The following VPS8 variants were observed in gnomAD, a reference collection of about 807,000 sequenced individuals.
The protein encoded by VPS8 is VPS8 subunit of CORVET complex, also known as vacuolar protein sorting-associated protein 8 homolog.
Under a neutral mutation model 216.4 loss-of-function variants are expected in VPS8, and 129 were observed. The ratio of observed to expected loss-of-function variants is 0.60; its 90% CI spans 0.52 to 0.69. The LOEUF (loss-of-function observed/expected upper bound fraction) is 0.69, where lower values mean the gene tolerates loss of function less well. Ranked by LOEUF, VPS8 falls within the 30% of genes least tolerant of loss-of-function variation. The pLI is 0.00. For missense variants in VPS8, 1,531 were observed against 1,683.5 expected (o/e 0.91, Z 1.59); for synonymous variants, 571 against 565.4 (o/e 1.01, Z -0.14).
Position 184,975,180 on chromosome 3 carries a change from G to A in VPS8, c.3420+3428G>A, listed in dbSNP as rs984613201. Among the ~76,000 whole-genome samples the A allele has an allele frequency of 3.9e-5, 6 of 152,130 alleles. No homozygotes were observed. In the East Asian group the frequency reaches 1.2e-3, roughly 29 times the overall value. On this transcript the variant is annotated intron_variant, in intron 40 of 47. Transcript: ENST00000625842. ...TCATTTTAATATTCTTCTGATCCAT[G>A]AGCATGGGATGTCTTTTTATTTGTG...
In VPS8 at chr3:184,841,077, A is replaced by G. The variant is rs535828535; in HGVS notation, c.535+1325A>G. Among the ~76,000 whole-genome samples the G allele has an allele frequency of 1.4e-4, 22 of 152,308 alleles. No individual in the cohort carries two copies. The South Asian group carries it at 3.7e-3, about 26-fold the overall frequency. ...GGTAATTGATTTAAATAAGAGTTTT[A>G]TTGTTTGGGGACCAGAAGAGTAGAA... On this transcript the variant is annotated intron_variant, in intron 7 of 47. Coordinates refer to ENST00000625842, the MANE Select transcript of VPS8 (RefSeq NM_001009921.3).
chr3:184,820,587 C>CTTAG (rs1400772844), intron 1 of VPS8, among the ~76,000 whole-genome samples: 1 of 152,112 alleles, frequency 6.6e-6, no homozygotes, highest in Non-Finnish European at 1.5e-5. Flanking sequence ...AGATTCCCAG[C>CTTAG]TTAGGTACTT....
At chr3:184,967,505 T>G (rs1747617226) in intron 39 of VPS8, among the ~76,000 whole-genome samples, 2 of 152,116 alleles carry the variant, frequency 1.3e-5, no homozygotes, top group South Asian at 4.1e-4. Context: ...ATACAAAATT[T>G]TCATCATATT....
At chr3:184,895,039 G>A in intron 23 of VPS8, 114 bp downstream of exon 23, 1 of 852,352 alleles carries the variant, frequency 1.2e-6, no homozygotes, top group Non-Finnish European at 1.8e-6. Flanking sequence ...ATTATTTATT[G>A]AGCACTTTTT....
Position 184,999,676 on chromosome 3 carries a change from T to G in VPS8, c.3837-20T>G. On this transcript the variant is annotated intron_variant, in intron 44 of 47. Coordinates refer to ENST00000625842, the MANE Select transcript of VPS8 (RefSeq NM_001009921.3). ...TTTTGTGATAATAAAAAGTACAAAT[T>G]GGTTGCCTTCGTTTTGCAGCTGTGG... 1 of 1,592,006 alleles carries G rather than the reference T, an allele frequency of 6.3e-7. No individual in the cohort carries two copies. The highest frequency in any genetic ancestry group is 8.5e-7 in the Non-Finnish European group (1 of 1,172,250).
intron 22 of VPS8, chr3:184,893,384 AT>A: frequency 8.6e-7 from 1 of 1,157,602 alleles, no homozygotes; most frequent in Non-Finnish European, 1.1e-6. Context: ...GAAATTACAC[AT>A]TTAGGAAAAA....
At chr3:184,844,449 TAAGAA>T (rs1004757097) in intron 8 of VPS8, among the ~76,000 whole-genome samples, 8 of 151,866 alleles carry the variant, frequency 5.3e-5, no homozygotes, top group East Asian at 1.9e-4. Context: ...AAATAAAAAA[TAAGAA>T]AAGAATAGTA....
rs78538222 is a variant in VPS8, at chr3:185,009,337, A to C, written c.4002+9476A>C. 8.4e-4 allele frequency among the ~76,000 whole-genome samples: 18 copies of C among 21,332 alleles called. No homozygotes were observed. The South Asian group carries it at 0.033, about 40-fold the overall frequency. The allele number at this position is 21,332 out of a possible 152,430, so 14.0% of individuals were successfully genotyped here. Reference sequence around the variant, plus strand: ...GAAATGCAAGCTAAATCAACTATACAATACCATTTTTTTTACTTATTAAGC... The same window carrying C: ...GAAATGCAAGCTAAATCAACTATACCATACCATTTTTTTTACTTATTAAGC... On this transcript the variant is annotated intron_variant, in intron 45 of 47. Coordinates refer to ENST00000625842, the MANE Select transcript of VPS8 (RefSeq NM_001009921.3).
At chr3:184,980,239 A>T in intron 40 of VPS8, among the ~76,000 whole-genome samples, 2 of 144,576 alleles carry the variant, frequency 1.4e-5, no homozygotes. Context: ...TTTCATGTTG[A>T]CCTTGGAGAT....
At chr3:184,982,149 G>A (rs548490841) in intron 40 of VPS8, among the ~76,000 whole-genome samples, 1 of 151,836 alleles carries the variant, frequency 6.6e-6, no homozygotes, top group South Asian at 2.1e-4. Context: ...GCTAGTGGGG[G>A]TGCTTATTTC....
chr3:185,041,732 A>T (rs1357582693), intron 46 of VPS8, among the ~76,000 whole-genome samples: 1 of 152,174 alleles, frequency 6.6e-6, no homozygotes, highest in Non-Finnish European at 1.5e-5. Context: ...AAGGTCATGG[A>T]ATTTGAACAG....
At chr3:185,024,259 G>A in intron 45 of VPS8, 77 bp from the exon 46 acceptor site, 1 of 1,278,294 alleles carries the variant, frequency 7.8e-7, no homozygotes, top group Non-Finnish European at 1.1e-6. Flanking sequence ...AATTCTAGTT[G>A]AATTATTTTG....
chr3:184,837,734 A>G (rs940749228), intron 5 of VPS8, among the ~76,000 whole-genome samples: 2 of 152,238 alleles, frequency 1.3e-5, no homozygotes, highest in Non-Finnish European at 2.9e-5. Flanking sequence ...GACCACGCTG[A>G]CAAGGACAGA....
intron 29 of VPS8, among the ~76,000 whole-genome samples, chr3:184,922,957 A>G (rs979454384): frequency 4.6e-5 from 7 of 152,076 alleles, no homozygotes; most frequent in Admixed American, 1.3e-4. Context: ...TCATATATAT[A>G]TAAGAATATA....
At position 185,048,538 on chromosome 3, in the gene VPS8, T is replaced by C. The variant is rs1482387046; in HGVS notation, c.4116T>C (p.Arg1372=). The change falls in exon 47 of 48, where the codon CGT becomes CGC. Residue 1372 remains arginine, a synonymous_variant. Transcript: ENST00000625842. ...QQIQAFDQLC[R]LYRGSSRLAL... ...TCCAAGCATTTGATCAGCTTTGCCGTCTCTACCGAGGAAGCTCCAGGGTAA... is the reference window on the plus strand; with the variant it reads ...TCCAAGCATTTGATCAGCTTTGCCGCCTCTACCGAGGAAGCTCCAGGGTAA... 1.9e-6 allele frequency: 3 copies of C among 1,613,840 alleles called. No homozygotes were observed. The African/African-American group carries it at 4.0e-5, about 22-fold the overall frequency.
intron 36 of VPS8, among the ~76,000 whole-genome samples, chr3:184,953,583 T>C (rs1048767085): frequency 6.6e-6 from 1 of 152,190 alleles, no homozygotes; most frequent in Non-Finnish European, 1.5e-5. Context: ...GAGTTCTGCA[T>C]GACAGTGGTT....
chr3:184,849,467 G>A (rs1195875089), intron 9 of VPS8: 5 of 297,766 alleles, frequency 1.7e-5, no homozygotes, highest in East Asian at 8.1e-5. Flanking sequence ...TATATAAAAT[G>A]TACTTCCTTA....
intron 10 of VPS8, among the ~76,000 whole-genome samples, chr3:184,851,801 G>A (rs1304001604): frequency 2.0e-5 from 3 of 152,170 alleles, no homozygotes; most frequent in Non-Finnish European, 2.9e-5. Context: ...TAACCTTTGA[G>A]TTTAGGGAGG....
chr3:184,897,176 G>A (rs1038596759), intron 23 of VPS8, among the ~76,000 whole-genome samples: 12 of 152,086 alleles, frequency 7.9e-5, no homozygotes, highest in Admixed American at 4.6e-4. Context: ...CAGGGATGAG[G>A]GCCAAGTGCA....
Sources: gnomAD v4.1 joint callset for allele counts (sites outside exome capture counted in the v4.1 genomes callset) on GRCh38, gnomAD v4.1.1 for gene constraint, MANE v1.5 for transcripts, NCBI Gene and HGNC (gene_info 2026-07-23, HGNC 2026-07-21) for gene names.